The following ANKRD30BL variants were observed in gnomAD, a reference collection of about 807,000 sequenced individuals.
The protein encoded by ANKRD30BL is putative ankyrin repeat domain-containing protein 30B-like.
In ANKRD30BL, 20 loss-of-function variants were observed where a neutral mutation model predicts 18.4. The observed-to-expected ratio is 1.09, with a 90% CI of 0.77 to 1.58. ANKRD30BL has a LOEUF of 1.58. ANKRD30BL is among the 40% of genes most tolerant of loss of function. The pLI is 0.00. For synonymous variants in ANKRD30BL, 72 were observed against 100.9 expected, an observed-to-expected ratio of 0.71 and a Z score of 1.72; for missense variants, 224 against 268.6, an observed-to-expected ratio of 0.83 and a Z score of 1.16.
At chr2:132,238,559 A>G (rs1680225338) in intron 1 of ANKRD30BL, among the ~76,000 whole-genome samples, 1 of 151,942 alleles carries the variant, frequency 6.6e-6, no homozygotes, top group Non-Finnish European at 1.5e-5. Flanking sequence ...CTCTTTTTGT[A>G]GAATCTGTAA....
intron 1 of ANKRD30BL, among the ~76,000 whole-genome samples, chr2:132,194,011 T>A (rs1368517867): frequency 6.6e-6 from 1 of 151,306 alleles, no homozygotes. Flanking sequence ...GCTACTTTTC[T>A]ACAAAAGAAG....
intron 1 of ANKRD30BL, among the ~76,000 whole-genome samples, chr2:132,217,113 A>C (rs375877556): frequency 6.6e-6 from 1 of 152,056 alleles, no homozygotes; most frequent in East Asian, 1.9e-4. Context: ...ACTAGACAGA[A>C]GCATTCTCAG....
chr2:132,185,874 C>T (rs1273738754), intron 1 of ANKRD30BL, among the ~76,000 whole-genome samples: 2 of 152,160 alleles, frequency 1.3e-5, no homozygotes, highest in African/African-American at 2.4e-5. Flanking sequence ...GGTGCAGTAG[C>T]TCATGCCTGT....
intron 1 of ANKRD30BL, among the ~76,000 whole-genome samples, chr2:132,237,930 T>C (rs1680206290): frequency 6.6e-6 from 1 of 151,890 alleles, no homozygotes; most frequent in African/African-American, 2.4e-5. Context: ...TTTGGATAGC[T>C]TTAAGGCTTT....
chr2:132,219,117 A>G (rs1679595034), intron 1 of ANKRD30BL, among the ~76,000 whole-genome samples: 1 of 151,830 alleles, frequency 6.6e-6, no homozygotes, highest in Non-Finnish European at 1.5e-5. Flanking sequence ...GAGTGCCTTG[A>G]GGCCTATGGT....
chr2:132,221,950 C>A (rs1469918652), intron 1 of ANKRD30BL, among the ~76,000 whole-genome samples: 3 of 127,536 alleles, frequency 2.4e-5, no homozygotes, highest in South Asian at 2.5e-4. Context: ...CCAGCCGCCC[C>A]GTCCGGGAGG....
chr2:132,168,841 T>A (rs1251774504), intron 1 of ANKRD30BL, among the ~76,000 whole-genome samples: 12 of 150,158 alleles, frequency 8.0e-5, no homozygotes, highest in Admixed American at 5.3e-4. Context: ...TTATATAACT[T>A]AAATATGTAC....
intron 1 of ANKRD30BL, among the ~76,000 whole-genome samples, chr2:132,219,571 G>C (rs1366386995): frequency 6.6e-6 from 1 of 151,986 alleles, no homozygotes; most frequent in Non-Finnish European, 1.5e-5. Context: ...CCTTATCATA[G>C]AGCAGTTTTG....
chr2:132,159,641 T>G (rs1201593641), intron 1 of ANKRD30BL, among the ~76,000 whole-genome samples: 1 of 152,186 alleles, frequency 6.6e-6, no homozygotes, highest in Non-Finnish European at 1.5e-5. Flanking sequence ...GAATTATCTA[T>G]AAAATGACGA....
intron 5 of ANKRD30BL, among the ~76,000 whole-genome samples, chr2:132,149,617 G>A (rs1031122497): frequency 2.6e-5 from 4 of 152,140 alleles, no homozygotes; most frequent in African/African-American, 4.8e-5. Context: ...GTATTATTGA[G>A]ATCCAAATTC....
At chr2:132,239,487 A>G (rs1680251425) in intron 1 of ANKRD30BL, among the ~76,000 whole-genome samples, 1 of 151,960 alleles carries the variant, frequency 6.6e-6, no homozygotes, top group Non-Finnish European at 1.5e-5. Flanking sequence ...AAGTACACAG[A>G]AGAATTCTCA....
At chr2:132,162,296 G>A (rs189294093), upstream of ANKRD30BL, among the ~76,000 whole-genome samples, 5 of 152,210 alleles carry the variant, frequency 3.3e-5, no homozygotes, top group African/African-American at 9.6e-5. Context: ...TATCCGCGCG[G>A]CTGGTGGCGC....
chr2:132,197,852 C>T (rs1427744791), intron 1 of ANKRD30BL, among the ~76,000 whole-genome samples: 4 of 151,844 alleles, frequency 2.6e-5, no homozygotes, highest in African/African-American at 9.6e-5. Context: ...ATCTAATTAC[C>T]CTGTTTTAGT....
At chr2:132,204,399 T>C (rs1234387046) in intron 1 of ANKRD30BL, among the ~76,000 whole-genome samples, 1 of 151,892 alleles carries the variant, frequency 6.6e-6, no homozygotes, top group Non-Finnish European at 1.5e-5. Context: ...TATAAATATA[T>C]AGCATATATA....
intron 1 of ANKRD30BL, among the ~76,000 whole-genome samples, chr2:132,166,964 A>G (rs997398587): frequency 1.3e-5 from 2 of 151,928 alleles, no homozygotes; most frequent in African/African-American, 4.8e-5. Flanking sequence ...TGTATCTCAT[A>G]TATTTTAATA....
chr2:132,153,957 G>A (rs569344602), intron 4 of ANKRD30BL, among the ~76,000 whole-genome samples: 2 of 152,260 alleles, frequency 1.3e-5, no homozygotes, highest in South Asian at 2.1e-4. Context: ...TCTAAAAGAG[G>A]CAAAGTTTTA....
chr2:132,217,617 C>G (rs1383248951), intron 1 of ANKRD30BL, among the ~76,000 whole-genome samples: 1 of 152,158 alleles, frequency 6.6e-6, no homozygotes, highest in African/African-American at 2.4e-5. Context: ...CAGATAATCA[C>G]TAGATAGAAG....
chr2:132,220,781 G>A (rs1355468476), intron 1 of ANKRD30BL, among the ~76,000 whole-genome samples: 10 of 151,456 alleles, frequency 6.6e-5, no homozygotes, highest in East Asian at 3.9e-4. Flanking sequence ...CTGCCCGGCC[G>A]CCACCCCGTC....
At chr2:132,229,720 A>G (rs937615528) in intron 1 of ANKRD30BL, among the ~76,000 whole-genome samples, 143 of 152,182 alleles carry the variant, frequency 9.4e-4, no homozygotes, top group African/African-American at 3.4e-3. Context: ...GCGGGTTTGA[A>G]AAACTCATTT....
Sources: allele counts gnomAD v4.1 joint callset (sites outside exome capture counted in the v4.1 genomes callset), GRCh38; gene constraint gnomAD v4.1.1; transcripts MANE v1.5; gene names NCBI Gene and HGNC (gene_info 2026-07-23, HGNC 2026-07-21).